Variants in AZIN1 observed in about 807,000 individuals in gnomAD.
The protein encoded by AZIN1 is ornithine decarboxylase antizyme inhibitor.
In AZIN1, 12 loss-of-function variants were observed where a neutral mutation model predicts 47.4. The observed-to-expected ratio is 0.25, with a 90% CI of 0.16 to 0.41. The LOEUF (loss-of-function observed/expected upper bound fraction) is 0.41. Ranked by LOEUF, AZIN1 falls within the 10% of genes least tolerant of loss-of-function variation. The pLI, the probability that AZIN1 is intolerant of heterozygous loss-of-function variation, is 1.00. For missense variants in AZIN1, 410 were observed against 532.4 expected (o/e 0.77, Z 2.26); for synonymous variants, 155 against 176.3 (o/e 0.88, Z 0.96).
At chr8:102,857,105 T>G (rs1048680705) in intron 2 of AZIN1, among the ~76,000 whole-genome samples, 3 of 152,188 alleles carry the variant, frequency 2.0e-5, no homozygotes, top group Non-Finnish European at 4.4e-5. Flanking sequence ...GCCAACATTC[T>G]AAGTCAAAGG....
chr8:102,830,140 CT>C (rs1464239680), intron 9 of AZIN1: 1 of 412,834 alleles, frequency 2.4e-6, no homozygotes, highest in South Asian at 3.2e-5. Flanking sequence ...AATCCTAGCA[CT>C]TTGTGAGGCT....
In AZIN1 at chr8:102,838,987, C is replaced by T. The variant is rs1024118648; in HGVS notation, c.277-71G>A. Reference sequence around the variant, plus strand: ...TATTCTGGTAATGCTTCCTCTAATACTATTACCCCCACCCCTTTTAAAACC... The same window carrying T: ...TATTCTGGTAATGCTTCCTCTAATATTATTACCCCCACCCCTTTTAAAACC... On this transcript the variant is annotated intron_variant, in intron 4 of 11. Coordinates refer to ENST00000337198, the MANE Select transcript of AZIN1 (RefSeq NM_148174.4). 57 of 1,343,796 alleles carry T rather than the reference C, an allele frequency of 4.2e-5. No individual in the cohort carries two copies. In the African/African-American group the frequency reaches 6.3e-4, roughly 15 times the overall value. 83.2% of individuals were successfully genotyped at this position (1,343,796 alleles called of 1,614,324 possible).
chr8:102,832,566 T>C (rs944869908), intron 9 of AZIN1, among the ~76,000 whole-genome samples: 1 of 152,094 alleles, frequency 6.6e-6, no homozygotes, highest in African/African-American at 2.4e-5. Flanking sequence ...GACATTTATC[T>C]AAAACACACG....
In AZIN1 at chr8:102,828,601, A is replaced by G. The variant is rs1324357826; in HGVS notation, c.1313T>C (p.Leu438Pro). The change falls in exon 12 of 12, where the codon CTG (leucine) becomes CCG (proline). Residue 438 changes from leucine to proline, a missense_variant. Leu to Pro is a moderately conservative substitution (Grantham distance 98). Around this residue, in one of 3 missense-constraint regions of AZIN1, gnomAD observed 168 missense variants for 198.3 expected, o/e 0.85. Coordinates refer to ENST00000337198, the MANE Select transcript of AZIN1 (RefSeq NM_148174.4). ...NFFFVPSCIQLSQEDSFSAEA is the reference protein window; with the variant it reads ...NFFFVPSCIQPSQEDSFSAEA Reference sequence around the variant, plus strand: ...AGCGGAAAAGCTGTCTTCTTGGCTCAGCTGAATGCAAGAAGGCACAAAGAA... The same window carrying G: ...AGCGGAAAAGCTGTCTTCTTGGCTCGGCTGAATGCAAGAAGGCACAAAGAA... 3 of 1,611,344 alleles carry G rather than the reference A, an allele frequency of 1.9e-6. No individual in the cohort carries two copies. The Admixed American group carries it at 5.0e-5, about 27-fold the overall frequency.
chr8:102,853,492 A>C (rs778575438), intron 2 of AZIN1, among the ~76,000 whole-genome samples: 5 of 152,222 alleles, frequency 3.3e-5, no homozygotes, highest in Non-Finnish European at 7.3e-5. Context: ...ACAAGAGCGA[A>C]ACTTCGTCTC....
chr8:102,857,140 C>G (rs980238348), intron 2 of AZIN1, among the ~76,000 whole-genome samples: 1 of 152,192 alleles, frequency 6.6e-6, no homozygotes, highest in African/African-American at 2.4e-5. Flanking sequence ...ACTATTTAAA[C>G]TGTGTTTCCT....
intron 2 of AZIN1, chr8:102,855,547 T>G (rs1395588651): frequency 6.6e-6 from 1 of 152,256 alleles, no homozygotes; most frequent in Non-Finnish European, 1.5e-5. Flanking sequence ...ATACTTAGTT[T>G]ATTCCATCAA....
chr8:102,848,547 C>T (rs1450953640), intron 2 of AZIN1, among the ~76,000 whole-genome samples: 1 of 152,060 alleles, frequency 6.6e-6, no homozygotes, highest in African/African-American at 2.4e-5. Context: ...GTCAAATTTT[C>T]TAATATATCT....
intron 6 of AZIN1, 42 bp downstream of exon 6, chr8:102,836,214 A>C (rs778744979): frequency 6.3e-7 from 1 of 1,586,424 alleles, no homozygotes; most frequent in Non-Finnish European, 8.6e-7. Context: ...GGTTACCACC[A>C]TAAAATGTTC....
intron 2 of AZIN1, chr8:102,856,037 A>T (rs1267745757): frequency 6.6e-6 from 1 of 151,152 alleles, no homozygotes; most frequent in Admixed American, 6.6e-5. Flanking sequence ...ACTAAATGGG[A>T]TAAGTAAAGA....
chr8:102,828,871 G>A (rs1231753168), intron 11 of AZIN1, among the ~76,000 whole-genome samples, 193 bp from the exon 12 acceptor site: 3 of 152,146 alleles, frequency 2.0e-5, no homozygotes, highest in Non-Finnish European at 4.4e-5. Flanking sequence ...GTGGTATACC[G>A]TAAAATTACA....
chr8:102,849,532 A>T (rs1363153307), intron 2 of AZIN1, among the ~76,000 whole-genome samples: 2 of 152,124 alleles, frequency 1.3e-5, no homozygotes, highest in South Asian at 2.1e-4. Flanking sequence ...AATTATATTA[A>T]ACTTGAAAAA....
chr8:102,864,169 G>GGCGGCGCCA (rs1414063223), upstream of AZIN1: 1 of 182,294 alleles, frequency 5.5e-6, no homozygotes, highest in Non-Finnish European at 1.1e-5. Context: ...AGTGTGAGAA[G>GGCGGCGCCA]GCGGCGCCAG....
intron 1 of AZIN1, among the ~76,000 whole-genome samples, chr8:102,863,123 G>A (rs1813832926): frequency 6.6e-6 from 1 of 152,222 alleles, no homozygotes. Context: ...GCTTCCAGAA[G>A]GGGCCAAAAG....
rs1399919232 is a variant in AZIN1 at position 102,836,509 on chromosome 8, G to C, written c.450-119C>G. 3.0e-5 allele frequency: 33 copies of C among 1,105,060 alleles called. No homozygotes were observed. The East Asian group carries it at 7.7e-4, about 26-fold the overall frequency. 68.5% of individuals were successfully genotyped at this position (1,105,060 alleles called of 1,614,324 possible). A position where few individuals can be genotyped will look rare whatever the true frequency, so the allele number is the denominator to read the frequency against. ...TGCCAGTGCTCCCAAATCCAGCGAC[G>C]GATGAATCAAGTGAACCTAATGAAA... On this transcript the variant is annotated intron_variant, in intron 5 of 11. Coordinates refer to ENST00000337198, the MANE Select transcript of AZIN1 (RefSeq NM_148174.4).
intron 8 of AZIN1, 28 bp downstream of exon 8, chr8:102,834,161 T>C (rs1811662840): frequency 1.3e-6 from 2 of 1,581,290 alleles, no homozygotes; most frequent in African/African-American, 1.3e-5. Context: ...GCAATTATTC[T>C]GTTAATGTCA....
At chr8:102,848,304 CT>C (rs1812705467) in intron 2 of AZIN1, among the ~76,000 whole-genome samples, 1 of 120,344 alleles carries the variant, frequency 8.3e-6, no homozygotes, top group Non-Finnish European at 1.6e-5. Flanking sequence ...CTATCAGCTA[CT>C]GTTAAAGACT....
chr8:102,851,272 A>G (rs571993974), intron 2 of AZIN1, among the ~76,000 whole-genome samples: 1 of 152,332 alleles, frequency 6.6e-6, no homozygotes, highest in East Asian at 1.9e-4. Context: ...ATAGGGAATA[A>G]TCCTTTAAAG....
chr8:102,835,002 T>G lies in AZIN1; in HGVS notation c.585-255A>C, dbSNP rs1586161886. 4 of 379,676 alleles carry G rather than the reference T, an allele frequency of 1.1e-5. No homozygotes were observed. The East Asian group carries it at 1.9e-4, about 18-fold the overall frequency. 23.5% of individuals were successfully genotyped at this position (379,676 alleles called of 1,614,324 possible). A position where few individuals can be genotyped will look rare whatever the true frequency, so the allele number is the denominator to read the frequency against. On this transcript the variant is annotated intron_variant, in intron 6 of 11. Coordinates refer to ENST00000337198, the MANE Select transcript of AZIN1 (RefSeq NM_148174.4). ...TTAACAATAAGTCAATTATCAGTAC[T>G]GTTCCACGGTTATACAATAAGGTGT...
Sources: gnomAD v4.1 joint callset for allele counts (sites outside exome capture counted in the v4.1 genomes callset) on GRCh38, gnomAD v4.1.1 for gene constraint, gnomAD v4.1.1 regional missense constraint, MANE v1.5 for transcripts, NCBI Gene and HGNC (gene_info 2026-07-23, HGNC 2026-07-21) for gene names.